SPATA31D1: variants seen among roughly 807,000 people sequenced by gnomAD.
The protein encoded by SPATA31D1 is SPATA31 subfamily D member 1, also known as spermatogenesis-associated protein 31D1.
Under a neutral mutation model 13.2 loss-of-function variants are expected in SPATA31D1, and 6 were observed. The observed-to-expected ratio is 0.46, with a 90% CI of 0.25 to 0.90. SPATA31D1 has a LOEUF of 0.90. Ranked by LOEUF, SPATA31D1 falls within the 40% of genes least tolerant of loss-of-function variation. The pLI, the probability that SPATA31D1 is intolerant of heterozygous loss-of-function variation, is 0.18. For missense variants in SPATA31D1, 2,445 were observed against 1,884.7 expected, an observed-to-expected ratio of 1.30 and a Z score of -5.50; for synonymous variants, 903 against 718.8, an observed-to-expected ratio of 1.26 and a Z score of -4.10.
Position 81,991,837 on chromosome 9 carries a change from C to T in SPATA31D1, c.1367C>T (p.Thr456Ile), listed in dbSNP as rs778515497. ...CTAAATTCCTCACGGAATATGTTAA[C>T]CTCAATTGCTGTTAAGCATGACTTG... ...YQLNSSRNML[T>I]SIAVKHDLAE... The change falls in exon 4 of 4, where the codon ACC becomes ATC. Residue 456 changes from threonine (T) to isoleucine (I), a missense_variant. Thr to Ile is a moderately conservative substitution (Grantham distance 89, BLOSUM62 -1). Coordinates refer to ENST00000344803, the MANE Select transcript of SPATA31D1 (RefSeq NM_001001670.3). The T allele has an allele frequency of 1.2e-6, 2 of 1,613,814 alleles. No homozygotes were observed. Among genetic ancestry groups the T allele is most frequent in the East Asian group, 2.2e-5 (1 of 44,876 alleles).
rs760994001 is a variant in SPATA31D1 at position 81,993,559 on chromosome 9, C to CA, written c.3090dup (p.Asp1031ArgfsTer40). 1,310 of 1,613,912 alleles carry CA rather than the reference C, an allele frequency of 8.1e-4. 1 individual carries two copies. Among genetic ancestry groups the CA allele is most frequent in the Non-Finnish European group, 1.1e-3 (1,239 of 1,179,878 alleles). ...TCCACATCCCTTAGAAGAGGTACTACAGATTTTCAAAGCGAAAAATTAGAT... is the reference window on the plus strand; with the variant it reads ...TCCACATCCCTTAGAAGAGGTACTACAAGATTTTCAAAGCGAAAAATTAGAT... On this transcript the variant is annotated frameshift_variant, in exon 4 of 4. Coordinates refer to ENST00000344803, the MANE Select transcript of SPATA31D1 (RefSeq NM_001001670.3). LOFTEE classifies it low-confidence loss of function (END_TRUNC).
At chr9:81,990,158 T>C (rs1423018859) in intron 2 of SPATA31D1, 1 of 529,276 alleles carries the variant, frequency 1.9e-6, no homozygotes, top group Non-Finnish European at 3.3e-6. Context: ...TCCTCAATGC[T>C]CGGATTCCTC....
rs764558233 is a variant in SPATA31D1 at position 81,993,551 on chromosome 9, A to C, written c.3081A>C (p.Arg1027Ser). 1.9e-6 allele frequency: 3 copies of C among 1,613,752 alleles called. No homozygotes were observed. Among genetic ancestry groups the C allele is most frequent in the Non-Finnish European group, 2.5e-6 (3 of 1,179,838 alleles). The change falls in exon 4 of 4, where the codon AGA becomes AGC. Residue 1027 changes from arginine (R) to serine (S), a missense_variant. Arg to Ser is a moderately radical substitution (Grantham distance 110). Transcript: ENST00000344803. ...ACGGGGCCTCCACATCCCTTAGAAG[A>C]GGTACTACAGATTTTCAAAGCGAAA... ...SKDGASTSLRRGTTDFQSEKL... is the reference protein window; with the variant it reads ...SKDGASTSLRSGTTDFQSEKL...
At chr9:81,988,702 T>C, upstream of SPATA31D1, 2 of 1,524,276 alleles carry the variant, frequency 1.3e-6, no homozygotes. Context: ...TGTTGCTCCC[T>C]GCACCCTTAG....
chr9:81,992,837 G>T lies in SPATA31D1; in HGVS notation c.2367G>T (p.Pro789=), dbSNP rs372215050. The T allele has an allele frequency of 1.9e-6, 3 of 1,613,772 alleles. No homozygotes were observed. The highest frequency in any genetic ancestry group is 1.7e-6 in the Non-Finnish European group (2 of 1,179,726). Residue 789 remains proline (P), a synonymous_variant, in exon 4 of 4, where the codon CCG becomes CCT. Coordinates refer to ENST00000344803, the MANE Select transcript of SPATA31D1 (RefSeq NM_001001670.3). ...TVPKDHLLHG[P]ETSSDKDLRS... ...CAAAAGATCACCTGTTGCATGGTCC[G>T]GAGACTTCTTCAGACAAGGATCTGA...
At chr9:81,990,339 A>T (rs1256389443) in intron 2 of SPATA31D1, 78 bp from the exon 3 acceptor site, 57 of 1,069,346 alleles carry the variant, frequency 5.3e-5, no homozygotes, top group Admixed American at 1.9e-4. Flanking sequence ...AGAGTTTAAT[A>T]TCCCAAGGGT....
Position 81,990,379 on chromosome 9 carries a change from T to G in SPATA31D1, c.233-38T>G, listed in dbSNP as rs1442557554. ...CACAGATTGACTTCTGTATGAGCCG[T>G]GTGCCTCTATCTTCATTGCATATAA... On this transcript the variant is annotated intron_variant, in intron 2 of 3. Coordinates refer to ENST00000344803, the MANE Select transcript of SPATA31D1 (RefSeq NM_001001670.3). 3 of 1,496,520 alleles carry G rather than the reference T, an allele frequency of 2.0e-6. No homozygotes were observed. In the East Asian group the frequency reaches 6.9e-5, roughly 35 times the overall value. The allele number at this position is 1,496,520 out of a possible 1,614,324, so 92.7% of individuals were successfully genotyped here. A position where few individuals can be genotyped will look rare whatever the true frequency, so the allele number is the denominator to read the frequency against.
chr9:81,993,243 T>G lies in SPATA31D1; in HGVS notation c.2773T>G (p.Ser925Ala), dbSNP rs746236058. ...LWGLPLKVLE[S>A]IEIFKSKADL... ...GGGCCTTCCCCTCAAGGTCCTTGAA[T>G]CCATAGAAATCTTCAAATCGAAAGC... Residue 925 changes from serine (S) to alanine (A), a missense_variant, in exon 4 of 4, where the codon TCC becomes GCC. Coordinates refer to ENST00000344803, the MANE Select transcript of SPATA31D1 (RefSeq NM_001001670.3). The G allele has an allele frequency of 6.2e-7, 1 of 1,613,948 alleles. No individual in the cohort carries two copies. The highest frequency in any genetic ancestry group is 1.1e-5 in the South Asian group (1 of 91,074).
Position 81,994,009 on chromosome 9 carries a change from A to T in SPATA31D1, c.3539A>T (p.Asn1180Ile), listed in dbSNP as rs745695905. 5.6e-6 allele frequency: 9 copies of T among 1,613,730 alleles called. No individual in the cohort carries two copies. The highest frequency in any genetic ancestry group is 7.6e-6 in the Non-Finnish European group (9 of 1,179,762). Reference sequence around the variant, plus strand: ...ACAAATGTGAAAGCAAGCACTTCCAATGAAACTGAAATTTTCCCACCAAGA... The same window carrying T: ...ACAAATGTGAAAGCAAGCACTTCCATTGAAACTGAAATTTTCCCACCAAGA... ...SLTNVKASTS[N>I]ETEIFPPRIS... The change falls in exon 4 of 4, where the codon AAT becomes ATT. Residue 1180 changes from asparagine (N) to isoleucine (I), a missense_variant. By Grantham distance (149) the Asn-to-Ile change is moderately radical. Transcript: ENST00000344803.
At position 81,994,784 on chromosome 9, in the gene SPATA31D1, T is replaced by C; in HGVS notation, c.4314T>C (p.Leu1438=). 3 of 1,613,888 alleles carry C rather than the reference T, an allele frequency of 1.9e-6. No homozygotes were observed. Among genetic ancestry groups the C allele is most frequent in the Non-Finnish European group, 2.5e-6 (3 of 1,179,852 alleles). Residue 1438 remains leucine (L), a synonymous_variant, in exon 4 of 4, where the codon CTT becomes CTC. Transcript: ENST00000344803. The stretch of plus-strand genomic sequence containing the variant: ...AGCCCCTTTCCTTCCCAGTGGGGCT[T>C]GGGAAAGCTCAGCACAACCCAGAAG... ...PQEPLSFPVG[L]GKAQHNPEVH...
chr9:81,993,654 G>T lies in SPATA31D1; in HGVS notation c.3184G>T (p.Gly1062Trp). ...VTSPVNQEKQ[G>W]TLRREFSDTD... ...TTCACCTGTCAACCAAGAAAAGCAG[G>T]GGACCCTGAGAAGAGAATTCTCTGA... The change falls in exon 4 of 4, where the codon GGG becomes TGG. Residue 1062 changes from glycine to tryptophan, a missense_variant. Coordinates refer to ENST00000344803, the MANE Select transcript of SPATA31D1 (RefSeq NM_001001670.3). The T allele has an allele frequency of 6.2e-7, 1 of 1,613,976 alleles. No homozygotes were observed. Among genetic ancestry groups the T allele is most frequent in the Non-Finnish European group, 8.5e-7 (1 of 1,179,896 alleles).
chr9:81,994,521 A>G lies in SPATA31D1; in HGVS notation c.4051A>G (p.Arg1351Gly), dbSNP rs1302925299. ...ACAGCCTCCTCCTGAAAACCTTTTC[A>G]GAAAATGGATGAAGACCTCTTTGCA... ...KTQPPPENLFRKWMKTSLQWF... is the reference protein window; with the variant it reads ...KTQPPPENLFGKWMKTSLQWF... The change falls in exon 4 of 4, where the codon AGA (arginine) becomes GGA (glycine). Residue 1351 changes from arginine (R) to glycine (G), a missense_variant. Coordinates refer to ENST00000344803, the MANE Select transcript of SPATA31D1 (RefSeq NM_001001670.3). 6.2e-7 allele frequency: 1 copy of G among 1,613,530 alleles called. No individual in the cohort carries two copies. The highest frequency in any genetic ancestry group is 1.7e-5 in the Admixed American group (1 of 59,942).
In SPATA31D1 at chr9:81,990,890, C is replaced by T. The variant is rs1227553265; in HGVS notation, c.420C>T (p.Ile140=). 8 of 1,613,792 alleles carry T rather than the reference C, an allele frequency of 5.0e-6. No homozygotes were observed. The highest frequency in any genetic ancestry group is 6.8e-6 in the Non-Finnish European group (8 of 1,179,892). ...TGTGTAAGAGAGCAACTGCTGATAT[C>T]CAGCAACTGCTGTCTTGGGAGTCCC... ...CRVCKRATAD[I]QQLLSWESLK... The change falls in exon 4 of 4, where the codon ATC becomes ATT. Residue 140 remains isoleucine (I), a synonymous_variant. Coordinates refer to ENST00000344803, the MANE Select transcript of SPATA31D1 (RefSeq NM_001001670.3).
In SPATA31D1 at chr9:81,993,637, T is replaced by C; in HGVS notation, c.3167T>C (p.Val1056Ala). Residue 1056 changes from valine (V) to alanine (A), a missense_variant, in exon 4 of 4, where the codon GTC (valine) becomes GCC (alanine). Transcript: ENST00000344803. Reference protein sequence around the residue: ...LGHSYLVTSPVNQEKQGTLRR... With the variant: ...LGHSYLVTSPANQEKQGTLRR... ...CATTCTTACCTTGTCACTTCACCTG[T>C]CAACCAAGAAAAGCAGGGGACCCTG... is the stretch of plus-strand genomic sequence containing the variant. 6.2e-7 allele frequency: 1 copy of C among 1,613,962 alleles called. No homozygotes were observed. Among genetic ancestry groups the C allele is most frequent in the African/African-American group, 1.3e-5 (1 of 75,036 alleles).
Position 81,991,736 on chromosome 9 carries a change from G to T in SPATA31D1, c.1266G>T (p.Arg422Ser), listed in dbSNP as rs1341143432. 6.2e-7 allele frequency: 1 copy of T among 1,613,666 alleles called. No individual in the cohort carries two copies. The highest frequency in any genetic ancestry group is 8.5e-7 in the Non-Finnish European group (1 of 1,179,760). ...TCCTGGAGAGACAAGTCAAAAAAAGGGGTGATTTCCTGATGTGGAAAGAAA... is the reference window on the plus strand; with the variant it reads ...TCCTGGAGAGACAAGTCAAAAAAAGTGGTGATTTCCTGATGTGGAAAGAAA... ...LALLERQVKK[R>S]GDFLMWKENG... Residue 422 changes from arginine (R) to serine (S), a missense_variant, in exon 4 of 4, where the codon AGG (arginine) becomes AGT (serine). Physicochemically the swap from Arg to Ser is moderately radical, Grantham distance 110. Transcript: ENST00000344803.
chr9:81,993,838 G>T lies in SPATA31D1; in HGVS notation c.3368G>T (p.Gly1123Val), dbSNP rs775764628. The change falls in exon 4 of 4, where the codon GGC (glycine) becomes GTC (valine). Residue 1123 changes from glycine (G) to valine (V), a missense_variant. Coordinates refer to ENST00000344803, the MANE Select transcript of SPATA31D1 (RefSeq NM_001001670.3). ...CTGCCCATAATGCAAGCTGGAGCTG[G>T]CTGTGAGTCATGGGATAAGAGAAAG... ...AELPIMQAGA[G>V]CESWDKRKSS... 1.2e-6 allele frequency: 2 copies of T among 1,613,888 alleles called. No individual in the cohort carries two copies. The highest frequency in any genetic ancestry group is 2.7e-5 in the African/African-American group (2 of 74,934).
At chr9:81,988,277 A>G (rs1434302674), upstream of SPATA31D1, among the ~76,000 whole-genome samples, 5 of 152,258 alleles carry the variant, frequency 3.3e-5, no homozygotes, top group Admixed American at 3.3e-4. Flanking sequence ...AACTGACTTC[A>G]AAACAAAAAA....
chr9:81,991,824 C>A lies in SPATA31D1; in HGVS notation c.1354C>A (p.Arg452=), dbSNP rs376270710. 2 of 1,613,758 alleles carry A rather than the reference C, an allele frequency of 1.2e-6. No homozygotes were observed. Among genetic ancestry groups the A allele is most frequent in the South Asian group, 2.2e-5 (2 of 91,070 alleles). ...GCCAAACTACCAACTAAATTCCTCA[C>A]GGAATATGTTAACCTCAATTGCTGT... is the stretch of plus-strand genomic sequence containing the variant. ...LRPNYQLNSS[R]NMLTSIAVKH... The change falls in exon 4 of 4, where the codon CGG becomes AGG. Residue 452 remains arginine, a synonymous_variant. Transcript: ENST00000344803.
intron 3 of SPATA31D1, 121 bp downstream of exon 3, chr9:81,990,607 T>C (rs1243942904): frequency 9.8e-6 from 13 of 1,325,444 alleles, no homozygotes; most frequent in Non-Finnish European, 1.2e-5. Flanking sequence ...GCCATAGGAA[T>C]GGGTATGTGA....
Sources: gnomAD v4.1 joint callset for allele counts (sites outside exome capture counted in the v4.1 genomes callset) on GRCh38, gnomAD v4.1.1 for gene constraint, MANE v1.5 for transcripts, NCBI Gene and HGNC (gene_info 2026-07-23, HGNC 2026-07-21) for gene names.